Variants in FAM13A observed in about 807,000 individuals in gnomAD.
The protein encoded by FAM13A is family with sequence similarity 13 member A, also known as protein FAM13A.
Under a neutral mutation model 129.6 loss-of-function variants are expected in FAM13A, and 76 were observed. The ratio of observed to expected loss-of-function variants is 0.59; its 90% CI spans 0.49 to 0.71. The LOEUF is 0.71. Ranked by LOEUF, FAM13A falls within the 30% of genes least tolerant of loss-of-function variation. The pLI, the probability that FAM13A is intolerant of heterozygous loss-of-function variation, is 0.00. For missense variants in FAM13A, 1,108 were observed against 1,249.3 expected, an observed-to-expected ratio of 0.89 and a Z score of 1.70; for synonymous variants, 443 against 449.9, an observed-to-expected ratio of 0.98 and a Z score of 0.20.
intron 2 of FAM13A, among the ~76,000 whole-genome samples, chr4:89,021,146 G>C (rs945656898): frequency 1.3e-5 from 2 of 152,208 alleles, no homozygotes; most frequent in African/African-American, 4.8e-5. Context: ...AATTCAAAAT[G>C]TAAGACTCTA....
At chr4:89,033,861 A>G (rs538876081) in intron 1 of FAM13A, among the ~76,000 whole-genome samples, 33 of 152,346 alleles carry the variant, frequency 2.2e-4, no homozygotes, top group African/African-American at 7.5e-4. Flanking sequence ...TGGTGCTGGG[A>G]AAACTGGCTA....
chr4:89,038,220 T>C (rs1769650562), intron 1 of FAM13A, among the ~76,000 whole-genome samples: 1 of 152,222 alleles, frequency 6.6e-6, no homozygotes, highest in Non-Finnish European at 1.5e-5. Context: ...ATCAATGGCC[T>C]GTATTTCCTT....
rs1553952130 is a variant in FAM13A at position 88,729,068 on chromosome 4, T to TTG, written c.2946-410_2946-409insCA. On this transcript the variant is annotated intron_variant, in intron 23 of 23. Transcript: ENST00000264344. The stretch of plus-strand genomic sequence containing the variant: ...ACTGGTCCACAACTTAGTTTTTTTT[T>TTG]TTTTTTTTTTTTCCAAAAACAGATA... 432 of 126,434 alleles carry TTG rather than the reference T, an allele frequency of 3.4e-3. 3 individuals are homozygous for TTG. The highest frequency in any genetic ancestry group is 0.017 in the South Asian group (60 of 3,552). The allele number at this position is 126,434 out of a possible 1,614,324, so 7.8% of individuals were successfully genotyped here.
At chr4:89,010,625 A>G (rs1765607346) in intron 3 of FAM13A, among the ~76,000 whole-genome samples, 1 of 152,202 alleles carries the variant, frequency 6.6e-6, no homozygotes, top group Non-Finnish European at 1.5e-5. Context: ...CTAAACACTA[A>G]GTTTGCAGGG....
In FAM13A at chr4:89,055,228, A is replaced by T. The variant is rs956851249; in HGVS notation, c.27+1710T>A. Among the ~76,000 whole-genome samples, 4 of 152,148 alleles carry T rather than the reference A, an allele frequency of 2.6e-5. No individual in the cohort carries two copies. In the East Asian group the frequency reaches 5.8e-4, roughly 22 times the overall value. ...TCCCTTTTTTGTCACGATGTTTAAA[A>T]TTTTTTTTGTTGTTCTCCAAAAGCT... On this transcript the variant is annotated intron_variant, in intron 1 of 23. Coordinates refer to ENST00000264344, the MANE Select transcript of FAM13A (RefSeq NM_014883.4).
intron 8 of FAM13A, among the ~76,000 whole-genome samples, chr4:88,798,633 T>C (rs907084031): frequency 6.6e-6 from 1 of 152,200 alleles, no homozygotes; most frequent in African/African-American, 2.4e-5. Context: ...GGTAAAAATA[T>C]GTTTCTCCGT....
chr4:88,728,762 C>G (rs1454543330), intron 23 of FAM13A, 103 bp from the exon 24 acceptor site: 5 of 1,380,868 alleles, frequency 3.6e-6, no homozygotes, highest in Non-Finnish European at 4.0e-6. Context: ...TGCAGTTTAT[C>G]AACTTGTAGA....
At chr4:88,775,334 T>C (rs1240818990) in intron 11 of FAM13A, among the ~76,000 whole-genome samples, 1 of 152,150 alleles carries the variant, frequency 6.6e-6, no homozygotes, top group Non-Finnish European at 1.5e-5. Flanking sequence ...AGAAAGGTTC[T>C]GTAGAGAATG....
At chr4:88,922,910 TA>T (rs1317213516) in intron 5 of FAM13A, among the ~76,000 whole-genome samples, 1 of 152,166 alleles carries the variant, frequency 6.6e-6, no homozygotes, top group Non-Finnish European at 1.5e-5. Flanking sequence ...CATCAGAGAA[TA>T]CTACAAACAC....
chr4:88,737,029 T>G (rs1408250612), intron 21 of FAM13A, among the ~76,000 whole-genome samples: 2 of 152,230 alleles, frequency 1.3e-5, no homozygotes, highest in Non-Finnish European at 2.9e-5. Context: ...ATATATTTCC[T>G]ATGTTAATTT....
intron 3 of FAM13A, among the ~76,000 whole-genome samples, chr4:89,010,972 T>C (rs1765654609): frequency 6.6e-6 from 1 of 152,110 alleles, no homozygotes; most frequent in South Asian, 2.1e-4. Context: ...CTCAGCCTTC[T>C]GAGTAGCTGG....
chr4:88,728,559 T>C lies in FAM13A; in HGVS notation c.3046A>G (p.Arg1016Gly), dbSNP rs149073720. 3 of 1,614,086 alleles carry C rather than the reference T, an allele frequency of 1.9e-6. No homozygotes were observed. The highest frequency in any genetic ancestry group is 2.5e-6 in the Non-Finnish European group (3 of 1,180,028). ...CACATGGACTTGGAATCAGTGTCTC[T>C]CTTGCTGATGAGCACCTCCAGGAGC... is the stretch of plus-strand genomic sequence containing the variant. ...LRLLEVLISK[R>G]DTDSKSM The change falls in exon 24 of 24, where the codon AGA (arginine) becomes GGA (glycine). Residue 1016 changes from arginine (R) to glycine (G), a missense_variant. Physicochemically the swap from Arg to Gly is moderately radical, Grantham distance 125. Transcript: ENST00000264344.
At chr4:88,989,313 C>T (rs1421505109) in intron 4 of FAM13A, among the ~76,000 whole-genome samples, 1 of 151,870 alleles carries the variant, frequency 6.6e-6, no homozygotes, top group East Asian at 2.0e-4. Context: ...GTTTAAAAAC[C>T]TGAGTTGGCC....
At chr4:88,735,622 G>A (rs1451081765) in intron 21 of FAM13A, among the ~76,000 whole-genome samples, 1 of 152,146 alleles carries the variant, frequency 6.6e-6, no homozygotes, top group African/African-American at 2.4e-5. Context: ...AAAACCAGGG[G>A]TGAGTTTTGG....
intron 3 of FAM13A, among the ~76,000 whole-genome samples, chr4:89,010,249 C>T (rs868562708): frequency 6.6e-6 from 1 of 152,196 alleles, no homozygotes; most frequent in African/African-American, 2.4e-5. Flanking sequence ...CTACTTTGAA[C>T]CTCTGTCCCC....
chr4:88,975,973 C>T (rs951686985), intron 4 of FAM13A, among the ~76,000 whole-genome samples: 4 of 151,970 alleles, frequency 2.6e-5, no homozygotes, highest in Admixed American at 6.6e-5. Flanking sequence ...TCATTGACAC[C>T]CACCCACCAG....
chr4:89,051,568 T>A (rs1306476166), intron 1 of FAM13A, among the ~76,000 whole-genome samples: 1 of 152,138 alleles, frequency 6.6e-6, no homozygotes, highest in East Asian at 1.9e-4. Context: ...CACTCCAGCA[T>A]CAACTCAAAA....
chr4:88,979,018 T>C lies in FAM13A; in HGVS notation c.605+11955A>G, dbSNP rs374192368. ...AAGAAAAGGAACTCCTACAAATCAGTCATAAAAAAGACGAGCACCAGCTTA... is the reference window on the plus strand; with the variant it reads ...AAGAAAAGGAACTCCTACAAATCAGCCATAAAAAAGACGAGCACCAGCTTA... On this transcript the variant is annotated intron_variant, in intron 4 of 23. Coordinates refer to ENST00000264344, the MANE Select transcript of FAM13A (RefSeq NM_014883.4). Among the ~76,000 whole-genome samples, 49 of 151,854 alleles carry C rather than the reference T, an allele frequency of 3.2e-4. 1 individual carries two copies. The South Asian group carries it at 7.7e-3, about 24-fold the overall frequency.
At position 88,758,900 on chromosome 4, in the gene FAM13A, C is replaced by T. The variant is rs114469320; in HGVS notation, c.1580G>A (p.Ser527Asn). 88 of 1,613,326 alleles carry T rather than the reference C, an allele frequency of 5.5e-5. 1 individual carries two copies. In the African/African-American group the frequency reaches 1.1e-3, roughly 20 times the overall value. ...ATGCTCCTGGATCTTCATTGTGGGG[C>T]TCTGCAATAACAGCACAATGTCCCC... ...KDGGHTQHFE[S>N]PTMKIQEHPS... The change falls in exon 14 of 24, where the codon AGC becomes AAC. Residue 527 changes from serine (S) to asparagine (N), a missense_variant and splice_region_variant. By Grantham distance (46) the Ser-to-Asn change is conservative (BLOSUM62 1). Coordinates refer to ENST00000264344, the MANE Select transcript of FAM13A (RefSeq NM_014883.4).
Sources: allele counts gnomAD v4.1 joint callset (sites outside exome capture counted in the v4.1 genomes callset), GRCh38; gene constraint gnomAD v4.1.1; transcripts MANE v1.5; gene names NCBI Gene and HGNC (gene_info 2026-07-23, HGNC 2026-07-21).